Variants in SH3BP4 observed in about 807,000 individuals in gnomAD.
The protein encoded by SH3BP4 is SH3 domain binding protein 4, also known as SH3 domain-binding protein 4.
In SH3BP4, 33 loss-of-function variants were observed where a neutral mutation model predicts 65.5. The ratio of observed to expected loss-of-function variants is 0.50; its 90% CI spans 0.38 to 0.67. SH3BP4 has a LOEUF of 0.67. SH3BP4 is among the 30% of genes least tolerant of loss of function. The pLI is 0.00. For missense variants in SH3BP4, 1,134 were observed against 1,261.4 expected (o/e 0.90, Z 1.53); for synonymous variants, 552 against 545.5 (o/e 1.01, Z -0.17).
In SH3BP4 at chr2:234,952,145, G is replaced by C. The variant is rs1046728725; in HGVS notation, c.-232G>C. 1 of 149,258 alleles carries C rather than the reference G, an allele frequency of 6.7e-6. No homozygotes were observed. Among genetic ancestry groups the C allele is most frequent in the Non-Finnish European group, 1.5e-5 (1 of 66,646 alleles). 9.2% of individuals were successfully genotyped at this position (149,258 alleles called of 1,614,324 possible). On this transcript the variant is annotated 5_prime_UTR_variant, in exon 1 of 6. Coordinates refer to ENST00000392011, the MANE Select transcript of SH3BP4 (RefSeq NM_014521.3). This position sits in a 1 kb window ranked among gnomAD's most constrained non-coding sequence, Gnocchi z 6.5. ...CTGGCCGACGAGCGGAGCCTCAGGA[G>C]CCGGCGGGGACGCCATGCGAGCCAG...
In SH3BP4 at chr2:235,026,360, G is replaced by A. The variant is rs778854878; in HGVS notation, c.-132-8511G>A. Among the ~76,000 whole-genome samples, 11 of 152,216 alleles carry A rather than the reference G, an allele frequency of 7.2e-5. No homozygotes were observed. The highest frequency in any genetic ancestry group is 1.3e-4 in the Admixed American group (2 of 15,288). On this transcript the variant is annotated intron_variant, in intron 2 of 5. Transcript: ENST00000392011. This position sits in a 1 kb window ranked among gnomAD's most constrained non-coding sequence, Gnocchi z 4.6. ...GAGCAAGCAAGGAACACCTAGTGACGACTCATGGCCCTTGTTTTCCCCGCA... is the reference window on the plus strand; with the variant it reads ...GAGCAAGCAAGGAACACCTAGTGACAACTCATGGCCCTTGTTTTCCCCGCA...
At position 235,026,913 on chromosome 2, in the gene SH3BP4, C is replaced by T. The variant is rs1043280393; in HGVS notation, c.-132-7958C>T. Among the ~76,000 whole-genome samples, 10 of 152,292 alleles carry T rather than the reference C, an allele frequency of 6.6e-5. No homozygotes were observed. The highest frequency in any genetic ancestry group is 4.2e-4 in the South Asian group (2 of 4,818). ...TTTTCTCCCCCAGGAAGAGGCAGCC[C>T]GCCCGAGCCCCAGGCAGCATGTTCC... On this transcript the variant is annotated intron_variant, in intron 2 of 5. Transcript: ENST00000392011. The surrounding 1 kb of genome is among the most constrained non-coding windows in gnomAD (Gnocchi z 4.6).
intron 2 of SH3BP4, among the ~76,000 whole-genome samples, chr2:235,028,079 G>A (rs1181039482): frequency 6.6e-6 from 1 of 152,224 alleles, no homozygotes; most frequent in Non-Finnish European, 1.5e-5. Context: ...TTGGTTCCTG[G>A]GGAGGAGCCA....
At chr2:235,014,009 T>C (rs1023560223) in intron 2 of SH3BP4, among the ~76,000 whole-genome samples, 1 of 152,236 alleles carries the variant, frequency 6.6e-6, no homozygotes, top group African/African-American at 2.4e-5. Flanking sequence ...ATGTGTATTA[T>C]GTACTATTGT....
chr2:235,024,630 G>T (rs766838401), intron 2 of SH3BP4, among the ~76,000 whole-genome samples: 2 of 152,048 alleles, frequency 1.3e-5, no homozygotes, highest in Non-Finnish European at 2.9e-5. Context: ...TAAAAGTGAG[G>T]CCTCAGTTTT....
intron 2 of SH3BP4, among the ~76,000 whole-genome samples, chr2:235,014,070 AT>A (rs1694608572): frequency 1.3e-5 from 2 of 152,198 alleles, no homozygotes; most frequent in Admixed American, 1.3e-4. Context: ...ATTATTAGCT[AT>A]TAAAGTATAT....
chr2:234,993,966 G>T (rs1693833681), intron 1 of SH3BP4, among the ~76,000 whole-genome samples: 2 of 152,144 alleles, frequency 1.3e-5, no homozygotes, highest in Non-Finnish European at 2.9e-5. Flanking sequence ...TTTTGTGTTT[G>T]TGCATATATT....
At chr2:235,037,267 G>T (rs1437421692) in intron 3 of SH3BP4, among the ~76,000 whole-genome samples, 1 of 152,106 alleles carries the variant, frequency 6.6e-6, no homozygotes, top group Non-Finnish European at 1.5e-5. Flanking sequence ...TGGGATGGAA[G>T]CCCTTCCCCA....
At position 234,974,147 on chromosome 2, in the gene SH3BP4, C is replaced by T. The variant is rs575551532; in HGVS notation, c.-206-21156C>T. 6.6e-6 allele frequency among the ~76,000 whole-genome samples: 1 copy of T among 152,178 alleles called. No homozygotes were observed. Among genetic ancestry groups the T allele is most frequent in the Non-Finnish European group, 1.5e-5 (1 of 68,014 alleles). The stretch of plus-strand genomic sequence containing the variant: ...TTGGGAGGCCGAGGCAGGTGGATCA[C>T]CTGAGGTCAGGAGTTCGAGACCAGC... On this transcript the variant is annotated intron_variant, in intron 1 of 5. Transcript: ENST00000392011. This position sits in a 1 kb window ranked among gnomAD's most constrained non-coding sequence, Gnocchi z 4.6.
rs1553567281 is a variant in SH3BP4 at position 235,038,257 on chromosome 2, A to AATATATAGT, written c.119-2624_119-2623insGTATATATA. ...TGTATTTTATATATATATTATATAT[A>AATATATAGT]ATATATATTATATATAATATATATT... On this transcript the variant is annotated intron_variant, in intron 3 of 5. Transcript: ENST00000392011. Among the ~76,000 whole-genome samples the AATATATAGT allele has an allele frequency of 2.5e-3, 111 of 43,990 alleles. 1 individual carries two copies. Among genetic ancestry groups the AATATATAGT allele is most frequent in the East Asian group, 4.9e-3 (3 of 610 alleles). 28.9% of individuals were successfully genotyped at this position (43,990 alleles called of 152,430 possible).
At position 235,001,793 on chromosome 2, in the gene SH3BP4, C is replaced by T. The variant is rs532225606; in HGVS notation, c.-133+6417C>T. Among the ~76,000 whole-genome samples, 47 of 152,324 alleles carry T rather than the reference C, an allele frequency of 3.1e-4. 1 individual carries two copies. The highest frequency in any genetic ancestry group is 1.1e-3 in the African/African-American group (44 of 41,582). ...GGGCAACTTGGTGTTCCGGCCTGGA[C>T]ATTTCAGTGCTGCATTTGAAGAGGA... On this transcript the variant is annotated intron_variant, in intron 2 of 5. Coordinates refer to ENST00000392011, the MANE Select transcript of SH3BP4 (RefSeq NM_014521.3).
intron 1 of SH3BP4, among the ~76,000 whole-genome samples, chr2:234,972,065 T>A (rs1693016357): frequency 1.3e-5 from 2 of 151,960 alleles, no homozygotes. Context: ...TCCACCCGTC[T>A]CAGCCTCCCA....
intron 2 of SH3BP4, among the ~76,000 whole-genome samples, chr2:234,999,274 T>TC (rs960821959): frequency 6.6e-6 from 1 of 152,212 alleles, no homozygotes; most frequent in Non-Finnish European, 1.5e-5. Flanking sequence ...TGTTGTGAGT[T>TC]CACAGGAGGG....
intron 2 of SH3BP4, among the ~76,000 whole-genome samples, chr2:235,002,390 C>T (rs1185915838): frequency 6.6e-6 from 1 of 152,100 alleles, no homozygotes; most frequent in Non-Finnish European, 1.5e-5. Flanking sequence ...CATTAGCAGC[C>T]TCGTTTTACA....
At chr2:234,963,721 G>A (rs1218884521) in intron 1 of SH3BP4, among the ~76,000 whole-genome samples, 1 of 152,222 alleles carries the variant, frequency 6.6e-6, no homozygotes, top group African/African-American at 2.4e-5. Context: ...GATGAGTGAT[G>A]GTTTTCATGC....
chr2:235,007,391 C>G (rs1224592461), intron 2 of SH3BP4, among the ~76,000 whole-genome samples: 1 of 152,158 alleles, frequency 6.6e-6, no homozygotes, highest in Admixed American at 6.5e-5. Context: ...CTTGCCTCTC[C>G]CAGCCCCCCA....
rs1696130924 is a variant in SH3BP4 at position 235,053,581 on chromosome 2, C to T, written c.2668-11C>T. The T allele has an allele frequency of 6.2e-7, 1 of 1,609,290 alleles. No homozygotes were observed. Among genetic ancestry groups the T allele is most frequent in the East Asian group, 2.2e-5 (1 of 44,840 alleles). Reference sequence around the variant, plus strand: ...CTCCCTCCTTTTGTTTTTTACAACTCCACCTCCCAGGCCATGTGGAAGCCT... The same window carrying T: ...CTCCCTCCTTTTGTTTTTTACAACTTCACCTCCCAGGCCATGTGGAAGCCT... On this transcript the variant is annotated splice_polypyrimidine_tract_variant and intron_variant, in intron 5 of 5. Transcript: ENST00000392011.
At chr2:235,016,389 CT>C (rs2106303273) in intron 2 of SH3BP4, among the ~76,000 whole-genome samples, 1 of 152,308 alleles carries the variant, frequency 6.6e-6, no homozygotes, top group African/African-American at 2.4e-5. Flanking sequence ...CGGTGTTGTA[CT>C]TAGAAAGGGA....
At chr2:235,051,944 C>T (rs1229163426) in intron 4 of SH3BP4, among the ~76,000 whole-genome samples, 1 of 152,136 alleles carries the variant, frequency 6.6e-6, no homozygotes, top group African/African-American at 2.4e-5. Context: ...CTGTTAGCTT[C>T]CTGGGGCTGC....
Sources: gnomAD v4.1 joint callset for allele counts (sites outside exome capture counted in the v4.1 genomes callset) on GRCh38, gnomAD v4.1.1 for gene constraint, Gnocchi (gnomAD v3.1) non-coding constraint, MANE v1.5 for transcripts, NCBI Gene and HGNC (gene_info 2026-07-23, HGNC 2026-07-21) for gene names.